Variants in IL33 observed in about 807,000 individuals in gnomAD.
The protein encoded by IL33 is interleukin 33, also known as interleukin-33.
In IL33, 37 loss-of-function variants were observed where a neutral mutation model predicts 27.3. That is an observed-to-expected ratio of 1.36 (90% CI 1.04 to 1.78). The LOEUF (loss-of-function observed/expected upper bound fraction) is 1.78. IL33 is among the 40% of genes most tolerant of loss of function. IL33 has a pLI of 0.00. For synonymous variants in IL33, 132 were observed against 102.9 expected (o/e 1.28, Z -1.71); for missense variants, 406 against 311.4 (o/e 1.30, Z -2.29).
chr9:6,226,755 C>T (rs944286407), intron 1 of IL33, among the ~76,000 whole-genome samples: 11 of 152,142 alleles, frequency 7.2e-5, no homozygotes, highest in African/African-American at 2.2e-4. Flanking sequence ...TCAGTTATTT[C>T]TGCTTGTTCT....
At chr9:6,222,683 A>T (rs560186070) in intron 1 of IL33, among the ~76,000 whole-genome samples, 1 of 152,242 alleles carries the variant, frequency 6.6e-6, no homozygotes, top group Non-Finnish European at 1.5e-5. Context: ...ACAATTTAGC[A>T]CATGGAATCC....
intron 2 of IL33, 39 bp downstream of exon 2, chr9:6,241,824 T>A (rs1467012561): frequency 7.5e-7 from 1 of 1,331,896 alleles, no homozygotes; most frequent in Non-Finnish European, 1.1e-6. Flanking sequence ...TTACGCACTA[T>A]TTTTATCTGT....
At chr9:6,218,800 G>A (rs1348125408) in intron 1 of IL33, among the ~76,000 whole-genome samples, 1 of 85,062 alleles carries the variant, frequency 1.2e-5, no homozygotes, top group Non-Finnish European at 2.3e-5. Flanking sequence ...ATATATATAT[G>A]TTCTCCATAT....
intron 7 of IL33, 99 bp from the exon 8 acceptor site, chr9:6,255,869 C>G: frequency 1.1e-6 from 1 of 927,894 alleles, no homozygotes; most frequent in Non-Finnish European, 1.7e-6. Context: ...AATATCAAGT[C>G]ATAAATAAGT....
At position 6,251,203 on chromosome 9, in the gene IL33, T is replaced by C. The variant is rs773191042; in HGVS notation, c.281T>C (p.Phe94Ser). ...CAACAGCAGTCTACTGTGGAGTGCTTTGCCTTTGGTATATCAGGGGTCCAG... is the reference window on the plus strand; with the variant it reads ...CAACAGCAGTCTACTGTGGAGTGCTCTGCCTTTGGTATATCAGGGGTCCAG... ...ACQQQSTVEC[F>S]AFGISGVQKY... Residue 94 changes from phenylalanine to serine, a missense_variant, in exon 4 of 8, where the codon TTT becomes TCT. Phe to Ser is a radical substitution (Grantham distance 155). Transcript: ENST00000682010. The C allele has an allele frequency of 6.2e-7, 1 of 1,614,010 alleles. No individual in the cohort carries two copies. The highest frequency in any genetic ancestry group is 8.5e-7 in the Non-Finnish European group (1 of 1,179,908).
At chr9:6,241,084 C>T (rs1819498372) in intron 1 of IL33, among the ~76,000 whole-genome samples, 1 of 152,112 alleles carries the variant, frequency 6.6e-6, no homozygotes, top group Non-Finnish European at 1.5e-5. Context: ...ACTGGAAGTT[C>T]TTCAGGGGCA....
chr9:6,245,000 G>T (rs1819745923), intron 2 of IL33, among the ~76,000 whole-genome samples: 1 of 152,154 alleles, frequency 6.6e-6, no homozygotes. Flanking sequence ...TGACCTGGAG[G>T]AAAGCCTCTC....
At chr9:6,215,799 C>A (rs1056357356), upstream of IL33, 1 of 152,112 alleles carries the variant, frequency 6.6e-6, no homozygotes, top group African/African-American at 2.4e-5. Context: ...CTACAGACTC[C>A]TCCGAACACA....
At chr9:6,241,120 C>G (rs1819501076) in intron 1 of IL33, among the ~76,000 whole-genome samples, 2 of 152,078 alleles carry the variant, frequency 1.3e-5, no homozygotes, top group South Asian at 4.1e-4. Context: ...CTGTCATTTC[C>G]TATAACAATG....
In IL33 at chr9:6,251,238, AG is replaced by A. The variant is rs780960174; in HGVS notation, c.317del (p.Arg106LysfsTer21). On this transcript the variant is annotated frameshift_variant, in exon 4 of 8. Transcript: ENST00000682010. LOFTEE classifies it high-confidence loss of function. ...TATATCAGGGGTCCAGAAATATACT[AG>A]AGCACTTCATGATTCAAGTATCACA... ...FGISGVQKYT[R>X]ALHDSSITGI... The A allele has an allele frequency of 3.7e-6, 6 of 1,613,808 alleles. No homozygotes were observed. Among genetic ancestry groups the A allele is most frequent in the Non-Finnish European group, 5.1e-6 (6 of 1,179,764 alleles).
intron 7 of IL33, 139 bp from the exon 8 acceptor site, chr9:6,255,829 C>G: frequency 1.5e-6 from 1 of 676,776 alleles, no homozygotes; most frequent in South Asian, 1.8e-5. Flanking sequence ...CCCCTCTTCC[C>G]TCCACAACTC....
In IL33 at chr9:6,256,035, G is replaced by A; in HGVS notation, c.680G>A (p.Cys227Tyr). The change falls in exon 8 of 8, where the codon TGT becomes TAT. Residue 227 changes from cysteine (C) to tyrosine (Y), a missense_variant. By Grantham distance (194) the Cys-to-Tyr change is radical (BLOSUM62 -2). Coordinates refer to ENST00000682010, the MANE Select transcript of IL33 (RefSeq NM_033439.4). The part of the protein sequence containing the change: ...FFVLHNMHSN[C>Y]VSFECKTDPG... ...GTCCTTCATAATATGCACTCCAACT[G>A]TGTTTCATTTGAATGCAAGACTGAT... The A allele has an allele frequency of 6.2e-7, 1 of 1,613,664 alleles. No homozygotes were observed. The highest frequency in any genetic ancestry group is 8.5e-7 in the Non-Finnish European group (1 of 1,179,644).
At chr9:6,240,790 C>T (rs976389931) in intron 1 of IL33, among the ~76,000 whole-genome samples, 9 of 152,054 alleles carry the variant, frequency 5.9e-5, no homozygotes, top group Non-Finnish European at 1.2e-4. Flanking sequence ...ATTAACCTTG[C>T]TTACTATAAC....
chr9:6,237,113 A>G (rs1170629349), intron 1 of IL33, among the ~76,000 whole-genome samples: 1 of 152,192 alleles, frequency 6.6e-6, no homozygotes, highest in East Asian at 1.9e-4. Flanking sequence ...AGGAAACCTC[A>G]TCATCTGAGA....
chr9:6,234,601 C>T (rs1819089378), intron 1 of IL33, among the ~76,000 whole-genome samples: 1 of 152,208 alleles, frequency 6.6e-6, no homozygotes, highest in South Asian at 2.1e-4. Flanking sequence ...GGGGCCCTTA[C>T]TCACACCAAC....
chr9:6,255,121 T>A (rs1009329026), intron 7 of IL33, among the ~76,000 whole-genome samples: 2 of 152,174 alleles, frequency 1.3e-5, no homozygotes, highest in Non-Finnish European at 2.9e-5. Context: ...TAATTGCATA[T>A]TCTTCTTTAG....
intron 3 of IL33, 76 bp downstream of exon 3, chr9:6,250,675 AT>A: frequency 6.7e-7 from 1 of 1,496,908 alleles, no homozygotes; most frequent in Middle Eastern, 1.8e-4. Flanking sequence ...TAAATATGCA[AT>A]TATTTTTCCT....
At chr9:6,244,588 CA>C (rs974156023) in intron 2 of IL33, among the ~76,000 whole-genome samples, 7 of 152,130 alleles carry the variant, frequency 4.6e-5, no homozygotes, top group African/African-American at 1.7e-4. Flanking sequence ...TATTGTATTT[CA>C]CTGTGGGTAA....
At chr9:6,222,924 A>G (rs1028072419) in intron 1 of IL33, among the ~76,000 whole-genome samples, 1 of 152,192 alleles carries the variant, frequency 6.6e-6, no homozygotes. Flanking sequence ...TTTTTAATTC[A>G]GAAATATATC....
Sources: gnomAD v4.1 joint callset for allele counts (sites outside exome capture counted in the v4.1 genomes callset) on GRCh38, gnomAD v4.1.1 for gene constraint, MANE v1.5 for transcripts, NCBI Gene and HGNC (gene_info 2026-07-23, HGNC 2026-07-21) for gene names.